TTC7B: variants seen among roughly 807,000 people sequenced by gnomAD.
TTC7B encodes the protein tetratricopeptide repeat protein 7B.
TTC7B carries 28 observed loss-of-function variants against 106.8 expected under a neutral mutation model. That is an observed-to-expected ratio of 0.26 (90% CI 0.19 to 0.36). TTC7B has a LOEUF of 0.36. TTC7B is among the 10% of genes least tolerant of loss of function. TTC7B has a pLI of 1.00. For missense variants in TTC7B, 862 were observed against 1,076.4 expected, an observed-to-expected ratio of 0.80 and a Z score of 2.79; for synonymous variants, 405 against 430.6, an observed-to-expected ratio of 0.94 and a Z score of 0.74.
At chr14:90,634,753 C>T (rs1270413109) in intron 15 of TTC7B, among the ~76,000 whole-genome samples, 1 of 151,842 alleles carries the variant, frequency 6.6e-6, no homozygotes, top group East Asian at 1.9e-4. Flanking sequence ...GCCTGGGAGA[C>T]AGAACAAGAC....
intron 18 of TTC7B, among the ~76,000 whole-genome samples, chr14:90,588,851 T>C (rs1389321143): frequency 6.8e-6 from 1 of 147,438 alleles, no homozygotes; most frequent in Non-Finnish European, 1.5e-5. Context: ...AATTGATAAA[T>C]TTATTTTAAA....
chr14:90,544,223 C>T (rs1254063399), intron 19 of TTC7B, among the ~76,000 whole-genome samples: 1 of 152,244 alleles, frequency 6.6e-6, no homozygotes, highest in Non-Finnish European at 1.5e-5. Context: ...GAACAGCAGG[C>T]TTCAGGGTCA....
chr14:90,626,548 A>G (rs117344552), intron 15 of TTC7B, among the ~76,000 whole-genome samples: 1 of 152,338 alleles, frequency 6.6e-6, no homozygotes, highest in Non-Finnish European at 1.5e-5. Context: ...CAGAGCACTG[A>G]GTAACCATCC....
In TTC7B at chr14:90,665,394, TC is replaced by T. The variant is rs1219829694; in HGVS notation, c.1153-7008del. Among the ~76,000 whole-genome samples, 5 of 152,252 alleles carry T rather than the reference TC, an allele frequency of 3.3e-5. No homozygotes were observed. In the East Asian group the frequency reaches 9.6e-4, roughly 29 times the overall value. ...TTTTGGTAGCAAGAGCTTATGCCTT[TC>T]CAGTCTCTTTTTCCAGCTTTTCATA... On this transcript the variant is annotated intron_variant, in intron 9 of 19. Transcript: ENST00000328459.
At chr14:90,740,069 C>T (rs570555127) in intron 4 of TTC7B, among the ~76,000 whole-genome samples, 38 of 152,302 alleles carry the variant, frequency 2.5e-4, no homozygotes, top group African/African-American at 8.9e-4. Flanking sequence ...TATTCCCCTT[C>T]GGAAAACAAA....
chr14:90,574,384 G>A (rs547307490), intron 19 of TTC7B, among the ~76,000 whole-genome samples: 31 of 152,118 alleles, frequency 2.0e-4, no homozygotes, highest in Non-Finnish European at 3.4e-4. Context: ...TGCTGCTCCC[G>A]TAATACCTGC....
Position 90,528,351 on chromosome 14 carries a change from G to A in TTC7B, c.*13017C>T, listed in dbSNP as rs142857674. 3 of 152,498 alleles carry A rather than the reference G, an allele frequency of 2.0e-5. No individual in the cohort carries two copies. Among genetic ancestry groups the A allele is most frequent in the African/African-American group, 7.2e-5 (3 of 41,572 alleles). The allele number at this position is 152,498 out of a possible 1,614,324, so 9.4% of individuals were successfully genotyped here. On this transcript the variant is annotated 3_prime_UTR_variant, in exon 20 of 20. Transcript: ENST00000328459. ...GTGGACACTTTCACACTCTGCAGGT[G>A]ACCACGCAAAGTGGTAGAGCAACTT...
chr14:90,599,759 C>T (rs1334944803), intron 17 of TTC7B, among the ~76,000 whole-genome samples: 1 of 152,186 alleles, frequency 6.6e-6, no homozygotes, highest in Non-Finnish European at 1.5e-5. Flanking sequence ...TTCTGCTGTA[C>T]CTGTTTTCCC....
chr14:90,631,931 A>T (rs981867577), intron 15 of TTC7B, among the ~76,000 whole-genome samples: 1 of 152,086 alleles, frequency 6.6e-6, no homozygotes, highest in African/African-American at 2.4e-5. Context: ...AGAAACATCT[A>T]TGCAACTCCT....
At chr14:90,783,708 A>G (rs1891291828) in intron 2 of TTC7B, among the ~76,000 whole-genome samples, 1 of 152,058 alleles carries the variant, frequency 6.6e-6, no homozygotes. Context: ...AGGCCGACGC[A>G]GGCAGATCAC....
intron 17 of TTC7B, among the ~76,000 whole-genome samples, chr14:90,594,839 C>T (rs973634272): frequency 5.9e-5 from 9 of 152,242 alleles, no homozygotes; most frequent in East Asian, 1.9e-4. Context: ...GCAATAGATG[C>T]GCCATCCATA....
chr14:90,703,507 A>C (rs565192038), intron 5 of TTC7B, among the ~76,000 whole-genome samples: 1 of 152,308 alleles, frequency 6.6e-6, no homozygotes, highest in South Asian at 2.1e-4. Context: ...GGAGAACTGC[A>C]TTTCCAACAC....
Position 90,807,738 on chromosome 14 carries a change from T to G in TTC7B, c.121+8437A>C, listed in dbSNP as rs2030691091. ...AAATGTAGATTTCCAGCTTCTACCT[T>G]GGGCCGAGAGAATCACCACCCTCAG... On this transcript the variant is annotated intron_variant, in intron 1 of 19. Coordinates refer to ENST00000328459, the MANE Select transcript of TTC7B (RefSeq NM_001010854.2). The surrounding 1 kb of genome is among the most constrained non-coding windows in gnomAD (Gnocchi z 4.1). 6.6e-6 allele frequency among the ~76,000 whole-genome samples: 1 copy of G among 152,242 alleles called. No individual in the cohort carries two copies. The highest frequency in any genetic ancestry group is 1.5e-5 in the Non-Finnish European group (1 of 68,050).
intron 1 of TTC7B, among the ~76,000 whole-genome samples, chr14:90,793,991 C>T (rs1054656032): frequency 2.0e-5 from 3 of 152,066 alleles, no homozygotes; most frequent in African/African-American, 7.2e-5. Flanking sequence ...CAGCCTCCGC[C>T]TCCCAGGTTC....
chr14:90,640,095 G>A (rs371368440), intron 15 of TTC7B, among the ~76,000 whole-genome samples: 13 of 152,118 alleles, frequency 8.5e-5, no homozygotes, highest in African/African-American at 2.7e-4. Context: ...CCTGGCCAAC[G>A]TGGTGAAACC....
At chr14:90,630,072 C>T (rs1463366204) in intron 15 of TTC7B, among the ~76,000 whole-genome samples, 5 of 152,280 alleles carry the variant, frequency 3.3e-5, no homozygotes, top group Admixed American at 2.0e-4. Context: ...TCTCCAACCC[C>T]GGAGAAAGGA....
At chr14:90,607,186 A>G (rs1892676763) in intron 17 of TTC7B, among the ~76,000 whole-genome samples, 2 of 152,316 alleles carry the variant, frequency 1.3e-5, no homozygotes, top group African/African-American at 2.4e-5. Context: ...GAAAAAAAAT[A>G]AATTTAGTTC....
intron 5 of TTC7B, among the ~76,000 whole-genome samples, chr14:90,701,406 CAG>C (rs1887978680): frequency 6.6e-6 from 1 of 152,022 alleles, no homozygotes; most frequent in Admixed American, 6.6e-5. Flanking sequence ...AAAGAAGTCA[CAG>C]AGAGTGGCTT....
At chr14:90,735,172 A>C (rs1218042314) in intron 4 of TTC7B, among the ~76,000 whole-genome samples, 1 of 152,260 alleles carries the variant, frequency 6.6e-6, no homozygotes, top group Non-Finnish European at 1.5e-5. Context: ...CAAGTGAATT[A>C]AAACATCACA....
Sources: gnomAD v4.1 joint callset for allele counts (sites outside exome capture counted in the v4.1 genomes callset) on GRCh38, gnomAD v4.1.1 for gene constraint, Gnocchi (gnomAD v3.1) non-coding constraint, MANE v1.5 for transcripts, NCBI Gene and HGNC (gene_info 2026-07-23, HGNC 2026-07-21) for gene names.